The following ADCY1 variants were observed in gnomAD, a reference collection of about 807,000 sequenced individuals.
ADCY1 encodes the protein adenylate cyclase type 1.
ADCY1 carries 28 observed loss-of-function variants against 105.4 expected under a neutral mutation model. The observed-to-expected ratio is 0.27, with a 90% confidence interval of 0.20 to 0.36. ADCY1 has a LOEUF of 0.36. Among genes scored for constraint, ADCY1 ranks in the 10% least tolerant of loss-of-function variants. The pLI is 1.00. For missense variants in ADCY1, 977 were observed against 1,434.2 expected (o/e 0.68, Z 5.15); for synonymous variants, 655 against 623.8 (o/e 1.05, Z -0.75).
chr7:45,637,568 G>C (rs991685302), intron 4 of ADCY1, among the ~76,000 whole-genome samples: 8 of 151,772 alleles, frequency 5.3e-5, no homozygotes, highest in Non-Finnish European at 8.8e-5. Flanking sequence ...CTGAAAAAAA[G>C]AAAAAACTTA....
chr7:45,679,673 C>A (rs1002823458), intron 10 of ADCY1, 36 bp from the exon 11 acceptor site: 2 of 1,610,462 alleles, frequency 1.2e-6, no homozygotes, highest in African/African-American at 2.7e-5. Context: ...TCCTAATCCC[C>A]ACCTATCAGT....
intron 8 of ADCY1, among the ~76,000 whole-genome samples, chr7:45,674,236 A>G (rs965060279): frequency 6.6e-6 from 1 of 152,132 alleles, no homozygotes; most frequent in Admixed American, 6.5e-5. Context: ...AAAAGAATGT[A>G]TTCTGCCATT....
intron 5 of ADCY1, 63 bp downstream of exon 5, chr7:45,648,860 C>T (rs952066733): frequency 1.3e-6 from 2 of 1,588,442 alleles, no homozygotes; most frequent in Non-Finnish European, 1.7e-6. Context: ...ATCCTAGAAG[C>T]TGAGCCACCT....
chr7:45,716,127 T>C lies in ADCY1; in HGVS notation c.*2132T>C, dbSNP rs1168626672. On this transcript the variant is annotated 3_prime_UTR_variant, in exon 20 of 20. Transcript: ENST00000297323. ...GTGTTCTGGCATCACCTTGTGCCGGTGGGGGCTGGGCTCCCGTGAGGTCCT... is the reference window on the plus strand; with the variant it reads ...GTGTTCTGGCATCACCTTGTGCCGGCGGGGGCTGGGCTCCCGTGAGGTCCT... 1 of 152,636 alleles carries C rather than the reference T, an allele frequency of 6.6e-6. No individual in the cohort carries two copies. The highest frequency in any genetic ancestry group is 1.5e-5 in the Non-Finnish European group (1 of 68,480). 9.5% of individuals were successfully genotyped at this position (152,636 alleles called of 1,614,324 possible).
intron 6 of ADCY1, 119 bp downstream of exon 6, chr7:45,658,004 G>C: frequency 2.5e-6 from 3 of 1,182,090 alleles, no homozygotes; most frequent in Non-Finnish European, 3.5e-6. Context: ...GAGTGCTCCT[G>C]GAGGAGCCTG....
chr7:45,635,095 T>A (rs1794362613), intron 4 of ADCY1, among the ~76,000 whole-genome samples: 3 of 152,014 alleles, frequency 2.0e-5, no homozygotes, highest in African/African-American at 7.2e-5. Flanking sequence ...GGAAAAGTTT[T>A]TAACTACAAA....
chr7:45,653,240 T>C (rs1390454352), intron 5 of ADCY1, among the ~76,000 whole-genome samples: 6 of 152,174 alleles, frequency 3.9e-5, no homozygotes, highest in African/African-American at 1.4e-4. Flanking sequence ...GTCTTGGAGC[T>C]TCAGTTTTCC....
At chr7:45,609,041 G>A (rs1261910644) in intron 2 of ADCY1, among the ~76,000 whole-genome samples, 4 of 152,230 alleles carry the variant, frequency 2.6e-5, no homozygotes, top group African/African-American at 9.6e-5. Context: ...AACTTCAAGT[G>A]TGCCAAATTT....
At chr7:45,648,551 G>T in intron 4 of ADCY1, 119 bp from the exon 5 acceptor site, 1 of 1,391,676 alleles carries the variant, frequency 7.2e-7, no homozygotes, top group Non-Finnish European at 9.8e-7. Flanking sequence ...GGTGGCCCAG[G>T]TGCAGCATGT....
chr7:45,618,262 CTA>C (rs1793794103), intron 3 of ADCY1, among the ~76,000 whole-genome samples: 1 of 152,152 alleles, frequency 6.6e-6, no homozygotes, highest in African/African-American at 2.4e-5. Flanking sequence ...AAGACCCAGA[CTA>C]TGAAATTTCT....
chr7:45,590,018 G>A (rs1213558155), intron 1 of ADCY1, among the ~76,000 whole-genome samples: 1 of 152,192 alleles, frequency 6.6e-6, no homozygotes, highest in Non-Finnish European at 1.5e-5. Flanking sequence ...AAAGAGAGGA[G>A]TGGCTGGTTC....
chr7:45,689,739 G>A (rs1157959056), intron 14 of ADCY1, among the ~76,000 whole-genome samples: 1 of 152,250 alleles, frequency 6.6e-6, no homozygotes, highest in Non-Finnish European at 1.5e-5. Context: ...GTGGCAGGAA[G>A]TGAGTCCTCA....
In ADCY1 at chr7:45,591,060, G is replaced by T. The variant is rs1166021328; in HGVS notation, c.640-1699G>T. On this transcript the variant is annotated intron_variant, in intron 1 of 19. Coordinates refer to ENST00000297323, the MANE Select transcript of ADCY1 (RefSeq NM_021116.4). The surrounding 1 kb of genome is among the most constrained non-coding windows in gnomAD (Gnocchi z 4.1). ...CCTCCCTGTCACCTCTTTGAGAGTG[G>T]CTCTGATGTTGTTTCCAGATTGCAT... 6.6e-6 allele frequency among the ~76,000 whole-genome samples: 1 copy of T among 152,184 alleles called. No homozygotes were observed. The highest frequency in any genetic ancestry group is 6.5e-5 in the Admixed American group (1 of 15,284).
At chr7:45,682,548 C>T (rs1242065420) in intron 11 of ADCY1, among the ~76,000 whole-genome samples, 1 of 152,100 alleles carries the variant, frequency 6.6e-6, no homozygotes, top group Non-Finnish European at 1.5e-5. Context: ...GATGTGGGCA[C>T]AATGTGGTCC....
intron 3 of ADCY1, among the ~76,000 whole-genome samples, chr7:45,613,025 A>G (rs554642830): frequency 7.0e-4 from 107 of 152,322 alleles, no homozygotes; most frequent in African/African-American, 2.5e-3. Context: ...TGCTTTGTCT[A>G]AATCTCAGAC....
chr7:45,599,995 G>A lies in ADCY1; in HGVS notation c.789+7087G>A, dbSNP rs534659612. Reference sequence around the variant, plus strand: ...CAGATGGAGGTGGTGGCCAACATGTGGCTCCTGGACACACTGGTCTTCTTG... The same window carrying A: ...CAGATGGAGGTGGTGGCCAACATGTAGCTCCTGGACACACTGGTCTTCTTG... On this transcript the variant is annotated intron_variant, in intron 2 of 19. Transcript: ENST00000297323. Among the ~76,000 whole-genome samples the A allele has an allele frequency of 1.4e-3, 216 of 152,252 alleles. 1 individual carries two copies. Among genetic ancestry groups the A allele is most frequent in the African/African-American group, 4.8e-3 (201 of 41,534 alleles).
At chr7:45,648,947 C>A in intron 5 of ADCY1, 150 bp downstream of exon 5, 1 of 943,280 alleles carries the variant, frequency 1.1e-6, no homozygotes, top group East Asian at 2.7e-5. Flanking sequence ...AGAATGATGC[C>A]AGCATTAGGA....
intron 2 of ADCY1, 51 bp downstream of exon 2, chr7:45,592,959 A>C (rs1329959682): frequency 6.2e-7 from 1 of 1,600,824 alleles, no homozygotes; most frequent in Non-Finnish European, 8.5e-7. Flanking sequence ...GGGGCTGGGG[A>C]GGTGGAAGAA....
At position 45,645,088 on chromosome 7, in the gene ADCY1, G is replaced by A. The variant is rs550088321; in HGVS notation, c.1021-3582G>A. ...GAGAGGATTGCTGTTCTAAAGACAA[G>A]TGTTCTGGACAATTTCTTTAGAATA... On this transcript the variant is annotated intron_variant, in intron 4 of 19. Coordinates refer to ENST00000297323, the MANE Select transcript of ADCY1 (RefSeq NM_021116.4). 1.6e-4 allele frequency among the ~76,000 whole-genome samples: 25 copies of A among 152,200 alleles called. No homozygotes were observed. The South Asian group carries it at 4.8e-3, about 29-fold the overall frequency.
Sources: gnomAD v4.1 joint callset for allele counts (sites outside exome capture counted in the v4.1 genomes callset) on GRCh38, gnomAD v4.1.1 for gene constraint, Gnocchi (gnomAD v3.1) non-coding constraint, MANE v1.5 for transcripts, NCBI Gene and HGNC (gene_info 2026-07-23, HGNC 2026-07-21) for gene names.